The following ULK4 variants were observed in gnomAD, a reference collection of about 807,000 sequenced individuals.
ULK4 encodes the protein unc-51 like kinase 4.
A neutral mutation model predicts 160.6 loss-of-function variants in ULK4; 133 were observed. The observed-to-expected ratio is 0.83, with a 90% CI of 0.72 to 0.96. The LOEUF is 0.96. ULK4 is among the 40% of genes least tolerant of loss of function. ULK4 has a pLI of 0.00. For missense variants in ULK4, 1,580 were observed against 1,499.5 expected, an observed-to-expected ratio of 1.05 and a Z score of -0.89; for synonymous variants, 534 against 539.8, an observed-to-expected ratio of 0.99 and a Z score of 0.15.
intron 35 of ULK4, among the ~76,000 whole-genome samples, chr3:41,299,224 G>A (rs991363607): frequency 4.6e-5 from 7 of 152,170 alleles, no homozygotes; most frequent in Admixed American, 4.6e-4. Context: ...GTGAACGAGA[G>A]GCCACGTGGG....
intron 17 of ULK4, among the ~76,000 whole-genome samples, chr3:41,844,958 C>T (rs1289433917): frequency 1.4e-5 from 2 of 146,346 alleles, no homozygotes; most frequent in African/African-American, 5.4e-5. Context: ...CTGGAAATGA[C>T]CCAGATATCT....
intron 17 of ULK4, among the ~76,000 whole-genome samples, chr3:41,844,996 C>T (rs1450631010): frequency 3.3e-5 from 5 of 149,764 alleles, no homozygotes; most frequent in South Asian, 2.1e-4. Flanking sequence ...GACGGAGTCT[C>T]GCCCTGTTGC....
intron 2 of ULK4, among the ~76,000 whole-genome samples, chr3:41,943,129 C>T (rs1471074373): frequency 1.3e-5 from 2 of 150,250 alleles, no homozygotes; most frequent in East Asian, 2.0e-4. Flanking sequence ...AGCAGAATGG[C>T]GTGAACCCGG....
At chr3:41,797,099 G>A (rs1382433106) in intron 20 of ULK4, among the ~76,000 whole-genome samples, 4 of 152,042 alleles carry the variant, frequency 2.6e-5, no homozygotes, top group African/African-American at 9.7e-5. Flanking sequence ...GTACATGCAT[G>A]CTGAAGAAAG....
chr3:41,313,686 G>A (rs145361195), intron 35 of ULK4, among the ~76,000 whole-genome samples: 162 of 152,140 alleles, frequency 1.1e-3, no homozygotes, highest in Admixed American at 2.7e-3. Flanking sequence ...AAGTACTAAG[G>A]TGCTGCTTTA....
intron 30 of ULK4, among the ~76,000 whole-genome samples, chr3:41,655,298 G>A (rs886790445): frequency 2.1e-5 from 3 of 145,088 alleles, no homozygotes; most frequent in South Asian, 2.2e-4. Flanking sequence ...AACACCGCAC[G>A]TTCTCACTCA....
At position 41,287,563 on chromosome 3, in the gene ULK4, A is replaced by T. The variant is rs1253549584; in HGVS notation, c.3679-37989T>A. ...TTTGGTCGTGTAACTTTGCTTTGCA[A>T]AGAACAGGACACAGAGTTATGACTG... On this transcript the variant is annotated intron_variant, in intron 35 of 36. Transcript: ENST00000301831. Among the ~76,000 whole-genome samples the T allele has an allele frequency of 3.9e-5, 6 of 152,220 alleles. No homozygotes were observed. In the East Asian group the frequency reaches 1.2e-3, roughly 29 times the overall value.
intron 35 of ULK4, among the ~76,000 whole-genome samples, chr3:41,355,349 T>C (rs1363905978): frequency 6.6e-6 from 1 of 152,156 alleles, no homozygotes; most frequent in East Asian, 1.9e-4. Flanking sequence ...AACCCAAAAA[T>C]GCTCTTGGGC....
intron 30 of ULK4, among the ~76,000 whole-genome samples, chr3:41,626,850 A>C (rs1303613796): frequency 6.6e-6 from 1 of 152,126 alleles, no homozygotes; most frequent in Admixed American, 6.6e-5. Context: ...TTTTGAGGTA[A>C]AGTCATAGCA....
At chr3:41,909,301 G>A (rs186920184) in intron 11 of ULK4, among the ~76,000 whole-genome samples, 166 of 151,384 alleles carry the variant, frequency 1.1e-3, no homozygotes, top group African/African-American at 3.9e-3. Context: ...CCAAGTATCA[G>A]GATCCTCAAC....
intron 5 of ULK4, among the ~76,000 whole-genome samples, chr3:41,924,617 T>C (rs1407589999): frequency 1.3e-5 from 2 of 152,344 alleles, no homozygotes; most frequent in African/African-American, 2.4e-5. Flanking sequence ...CAGAACTTCA[T>C]ATCCTACTAA....
chr3:41,672,139 A>G (rs2035563093), intron 29 of ULK4, among the ~76,000 whole-genome samples: 1 of 152,132 alleles, frequency 6.6e-6, no homozygotes, highest in African/African-American at 2.4e-5. Flanking sequence ...TAACATAGCC[A>G]TTATGATAAA....
At chr3:41,791,811 C>T (rs1352487770) in intron 20 of ULK4, among the ~76,000 whole-genome samples, 1 of 152,060 alleles carries the variant, frequency 6.6e-6, no homozygotes, top group Non-Finnish European at 1.5e-5. Context: ...ATTTGTAGAG[C>T]ACCAACTATA....
rs142309580 is a variant in ULK4, at chr3:41,570,330, C to A, written c.3121-4200G>T. Among the ~76,000 whole-genome samples the A allele has an allele frequency of 5.6e-4, 85 of 152,260 alleles. 1 individual carries two copies. Among genetic ancestry groups the A allele is most frequent in the African/African-American group, 1.8e-3 (75 of 41,550 alleles). The stretch of plus-strand genomic sequence containing the variant: ...TAATGTTTTAATGTTTCACTGACAC[C>A]AGCTTAAGAAGATTAATGTGGAAGC... On this transcript the variant is annotated intron_variant, in intron 31 of 36. Transcript: ENST00000301831.
intron 31 of ULK4, among the ~76,000 whole-genome samples, chr3:41,583,231 A>C (rs900846633): frequency 6.6e-6 from 1 of 152,216 alleles, no homozygotes; most frequent in African/African-American, 2.4e-5. Flanking sequence ...GGAAATAGTA[A>C]GAAAATTAAA....
chr3:41,663,583 A>C (rs1233509172), intron 30 of ULK4, 24 bp downstream of exon 30: 2 of 1,598,624 alleles, frequency 1.3e-6, no homozygotes, highest in African/African-American at 2.7e-5. Flanking sequence ...AGACACAAGA[A>C]AAAGAAATTT....
intron 34 of ULK4, among the ~76,000 whole-genome samples, chr3:41,443,143 A>T (rs1393551567): frequency 6.6e-6 from 1 of 152,114 alleles, no homozygotes; most frequent in Non-Finnish European, 1.5e-5. Context: ...CTTGTCATTT[A>T]TGCAGATAAG....
At chr3:41,887,073 AAC>A (rs1285670528) in intron 16 of ULK4, among the ~76,000 whole-genome samples, 4 of 152,176 alleles carry the variant, frequency 2.6e-5, no homozygotes, top group African/African-American at 9.7e-5. Flanking sequence ...ACACCCTACA[AAC>A]AGTGACCACT....
chr3:41,649,398 G>A (rs1296188312), intron 30 of ULK4, among the ~76,000 whole-genome samples: 1 of 152,094 alleles, frequency 6.6e-6, no homozygotes, highest in Non-Finnish European at 1.5e-5. Flanking sequence ...AGCTGCAGCT[G>A]CAGCTGCCTG....
Sources: gnomAD v4.1 joint callset for allele counts (sites outside exome capture counted in the v4.1 genomes callset) on GRCh38, gnomAD v4.1.1 for gene constraint, MANE v1.5 for transcripts, NCBI Gene and HGNC (gene_info 2026-07-23, HGNC 2026-07-21) for gene names.